NINL: variants seen among roughly 807,000 people sequenced by gnomAD.
NINL encodes the protein ninein-like protein.
A neutral mutation model predicts 160.3 loss-of-function variants in NINL; 153 were observed. That is an observed-to-expected ratio of 0.95 (90% confidence interval 0.84 to 1.09). The LOEUF (loss-of-function observed/expected upper bound fraction) is 1.09, where lower values mean the gene tolerates loss of function less well. NINL is among the 50% of genes least tolerant of loss of function. NINL has a pLI of 0.00. For synonymous variants in NINL, 800 were observed against 734.8 expected (o/e 1.09, Z -1.43); for missense variants, 1,829 against 1,764.0 (o/e 1.04, Z -0.66).
At chr20:25,522,996 C>A (rs2064290169) in intron 2 of NINL, among the ~76,000 whole-genome samples, 1 of 152,112 alleles carries the variant, frequency 6.6e-6, no homozygotes, top group African/African-American at 2.4e-5. Flanking sequence ...TTGGCAGATA[C>A]CAAACTCCAC....
chr20:25,517,949 T>C lies in NINL; in HGVS notation c.181-100A>G. ...TTTTCTCTCAGATAGAAATATATTA[T>C]TACTGCCTTTTAGAATGAGAACATT... is the stretch of plus-strand genomic sequence containing the variant. On this transcript the variant is annotated intron_variant, in intron 2 of 23. Transcript: ENST00000278886. 4.9e-6 allele frequency: 3 copies of C among 615,906 alleles called. No homozygotes were observed. The East Asian group carries it at 9.5e-5, about 19-fold the overall frequency. 38.2% of individuals were successfully genotyped at this position (615,906 alleles called of 1,614,324 possible). A position where few individuals can be genotyped will look rare whatever the true frequency, so the allele number is the denominator to read the frequency against.
intron 5 of NINL, among the ~76,000 whole-genome samples, chr20:25,509,457 G>C (rs532234537): frequency 3.4e-4 from 52 of 152,356 alleles, no homozygotes; most frequent in South Asian, 8.3e-4. Flanking sequence ...CAGTGTAAAA[G>C]CTTGTGCTGT....
In NINL at chr20:25,481,965, T is replaced by C. The variant is rs770218444; in HGVS notation, c.1810+3A>G. ...CAGCCCCCTCCCAGGGACGGGCTCC[T>C]ACCTGCTGGGCCGAGTCCAGGGAGC... On this transcript the variant is annotated splice_donor_region_variant and intron_variant, in intron 14 of 23. Coordinates refer to ENST00000278886, the MANE Select transcript of NINL (RefSeq NM_025176.6). The C allele has an allele frequency of 6.3e-7, 1 of 1,595,912 alleles. No individual in the cohort carries two copies. Among genetic ancestry groups the C allele is most frequent in the South Asian group, 1.1e-5 (1 of 90,892 alleles).
chr20:25,472,981 A>G (rs2063142007), intron 17 of NINL, among the ~76,000 whole-genome samples: 1 of 152,230 alleles, frequency 6.6e-6, no homozygotes, highest in Non-Finnish European at 1.5e-5. Context: ...ATGCCCATCA[A>G]CAGGAGAAAA....
At chr20:25,537,870 C>T (rs1288949233) in intron 1 of NINL, among the ~76,000 whole-genome samples, 5 of 152,200 alleles carry the variant, frequency 3.3e-5, no homozygotes, top group East Asian at 3.9e-4. Flanking sequence ...TCGAAATGCA[C>T]GTCACGTTAA....
intron 1 of NINL, among the ~76,000 whole-genome samples, chr20:25,558,822 C>A (rs1347194166): frequency 4.6e-5 from 7 of 152,182 alleles, no homozygotes; most frequent in Non-Finnish European, 1.5e-5. Context: ...CTGAGAACTG[C>A]AAATGCAGAG....
At chr20:25,523,803 G>T (rs562457802) in intron 2 of NINL, among the ~76,000 whole-genome samples, 2 of 146,106 alleles carry the variant, frequency 1.4e-5, no homozygotes, top group African/African-American at 5.5e-5. Context: ...CCACCACGCC[G>T]GCTAATTTTG....
intron 13 of NINL, among the ~76,000 whole-genome samples, chr20:25,485,560 C>T (rs1027113602): frequency 1.3e-5 from 2 of 152,150 alleles, no homozygotes; most frequent in African/African-American, 4.8e-5. Flanking sequence ...TTTATGGGTA[C>T]TTATACACCT....
At chr20:25,501,107 G>A in intron 7 of NINL, 97 bp from the exon 8 acceptor site, 2 of 1,450,840 alleles carry the variant, frequency 1.4e-6, no homozygotes, top group East Asian at 2.5e-5. Context: ...TGTGCTCAGA[G>A]GGCCTCACAG....
Position 25,526,385 on chromosome 20 carries a change from T to A in NINL, c.180+23A>T, listed in dbSNP as rs1294287278. 4.4e-6 allele frequency: 7 copies of A among 1,591,424 alleles called. No individual in the cohort carries two copies. The East Asian group carries it at 1.4e-4, about 31-fold the overall frequency. On this transcript the variant is annotated intron_variant, in intron 2 of 23. Transcript: ENST00000278886. Reference sequence around the variant, plus strand: ...ACTATAGACCCCGTGCTTTCCTTTATGACAATGAAGTCCAACACTCACCCT... The same window carrying A: ...ACTATAGACCCCGTGCTTTCCTTTAAGACAATGAAGTCCAACACTCACCCT...
Position 25,540,241 on chromosome 20 carries a change from A to G in NINL, c.-11-13643T>C, listed in dbSNP as rs1372149466. Among the ~76,000 whole-genome samples the G allele has an allele frequency of 1.7e-4, 26 of 152,332 alleles. No homozygotes were observed. The East Asian group carries it at 4.8e-3, about 28-fold the overall frequency. On this transcript the variant is annotated intron_variant, in intron 1 of 23. Coordinates refer to ENST00000278886, the MANE Select transcript of NINL (RefSeq NM_025176.6). ...GGAAACTGGAATGAGTAGGCTCTCA[A>G]TAATCCTAATGCTATAAAGCTTAAT...
chr20:25,491,259 G>A (rs1164735562), intron 11 of NINL, 92 bp downstream of exon 11: 5 of 1,428,028 alleles, frequency 3.5e-6, no homozygotes, highest in Admixed American at 3.9e-5. Flanking sequence ...GCACTGGCAG[G>A]TGTGGATCTG....
chr20:25,540,985 C>A (rs2064654004), intron 1 of NINL, among the ~76,000 whole-genome samples: 1 of 151,016 alleles, frequency 6.6e-6, no homozygotes, highest in South Asian at 2.1e-4. Context: ...TTGTTTCAGT[C>A]CCAAAAATCT....
chr20:25,573,071 C>A (rs200776600), intron 1 of NINL, among the ~76,000 whole-genome samples: 1 of 151,994 alleles, frequency 6.6e-6, no homozygotes, highest in Non-Finnish European at 1.5e-5. Context: ...CCGAGGCGGG[C>A]GGATCACCTG....
At chr20:25,480,092 GC>G in intron 15 of NINL, 68 bp downstream of exon 15, 1 of 1,108,092 alleles carries the variant, frequency 9.0e-7, no homozygotes, top group Non-Finnish European at 1.4e-6. Context: ...ATGTCAGCGT[GC>G]CCAAGTAAAG....
intron 1 of NINL, among the ~76,000 whole-genome samples, chr20:25,547,376 C>T (rs1297340769): frequency 6.6e-6 from 1 of 152,160 alleles, no homozygotes; most frequent in Non-Finnish European, 1.5e-5. Flanking sequence ...TTTCCTTGAG[C>T]TTTGCAAGCC....
chr20:25,571,008 G>T (rs1021231494), intron 1 of NINL, among the ~76,000 whole-genome samples: 5 of 151,986 alleles, frequency 3.3e-5, no homozygotes, highest in Admixed American at 1.3e-4. Context: ...TCCTGGGCAA[G>T]TAGATGTTAT....
chr20:25,453,516 C>A lies in NINL; in HGVS notation c.4084G>T (p.Glu1362Ter). ...TTGTTGAGAGCGCGAACTTTTTCTT[C>A]CAAGAGGCGGCTTTGTTTCTCGGCG... ...RGAEKQSRLL[E>*]EKVRALNKLV... Residue 1362 changes from glutamate to a stop codon, truncating the protein, a stop_gained, in exon 24 of 24, where the codon GAA becomes TAA. Coordinates refer to ENST00000278886, the MANE Select transcript of NINL (RefSeq NM_025176.6). LOFTEE classifies it high-confidence loss of function. 6.2e-7 allele frequency: 1 copy of A among 1,614,090 alleles called. No individual in the cohort carries two copies. Among genetic ancestry groups the A allele is most frequent in the East Asian group, 2.2e-5 (1 of 44,864 alleles).
At chr20:25,482,241 G>A (rs911449371) in intron 13 of NINL, 141 bp from the exon 14 acceptor site, 3 of 901,702 alleles carry the variant, frequency 3.3e-6, no homozygotes, top group Non-Finnish European at 3.2e-6. Context: ...GCTTCCAGCA[G>A]GAAACCATCT....
Sources: gnomAD v4.1 joint callset for allele counts (sites outside exome capture counted in the v4.1 genomes callset) on GRCh38, gnomAD v4.1.1 for gene constraint, MANE v1.5 for transcripts, NCBI Gene and HGNC (gene_info 2026-07-23, HGNC 2026-07-21) for gene names.